The following TRDN variants were observed in gnomAD, a reference collection of about 807,000 sequenced individuals.
TRDN encodes the protein triadin in skeletal muscle.
TRDN carries 161 observed loss-of-function variants against 149.7 expected under a neutral mutation model. The ratio of observed to expected loss-of-function variants is 1.08; its 90% confidence interval spans 0.95 to 1.23. The LOEUF (loss-of-function observed/expected upper bound fraction) is 1.23, where lower values mean the gene tolerates loss of function less well. Among genes scored for constraint, TRDN ranks in the 50% most tolerant of loss-of-function variants. The pLI, the probability that TRDN is intolerant of heterozygous loss-of-function variation, is 0.00. For missense variants in TRDN, 896 were observed against 823.5 expected, an observed-to-expected ratio of 1.09 and a Z score of -1.08; for synonymous variants, 294 against 250.5, an observed-to-expected ratio of 1.17 and a Z score of -1.64.
chr6:123,311,420 C>T (rs1214033070), intron 24 of TRDN, among the ~76,000 whole-genome samples: 2 of 151,920 alleles, frequency 1.3e-5, no homozygotes, highest in Non-Finnish European at 2.9e-5. Context: ...ATTTCAGAAA[C>T]ATTTTTATGG....
At chr6:123,561,461 C>T (rs772972301) in intron 2 of TRDN, among the ~76,000 whole-genome samples, 2 of 152,070 alleles carry the variant, frequency 1.3e-5, no homozygotes, top group South Asian at 2.1e-4. Context: ...TGCATGGACA[C>T]TCCTTTTTAT....
At chr6:123,616,384 C>A (rs1404072200) in intron 1 of TRDN, among the ~76,000 whole-genome samples, 7 of 145,494 alleles carry the variant, frequency 4.8e-5, no homozygotes, top group African/African-American at 1.9e-4. Context: ...ATTTATAAAG[C>A]AGGTTTGCAA....
chr6:123,373,528 T>G (rs995248897), intron 19 of TRDN, among the ~76,000 whole-genome samples: 54 of 152,138 alleles, frequency 3.5e-4, no homozygotes, highest in African/African-American at 1.3e-3. Context: ...TCCTCCAGTA[T>G]TTTTCCTACA....
At chr6:123,481,056 C>G (rs1351588360) in intron 9 of TRDN, among the ~76,000 whole-genome samples, 1 of 152,064 alleles carries the variant, frequency 6.6e-6, no homozygotes, top group African/African-American at 2.4e-5. Context: ...ATTAAGAATA[C>G]AATTTACACT....
chr6:123,398,161 C>T (rs887426214), intron 12 of TRDN, among the ~76,000 whole-genome samples: 8 of 152,194 alleles, frequency 5.3e-5, no homozygotes, highest in South Asian at 2.1e-4. Context: ...TCCGCCACTG[C>T]GCCCAGCTAA....
chr6:123,403,680 G>C (rs1456414594), intron 12 of TRDN, among the ~76,000 whole-genome samples: 1 of 152,128 alleles, frequency 6.6e-6, no homozygotes, highest in East Asian at 1.9e-4. Flanking sequence ...ATACACAGCT[G>C]TTTCCTAGAA....
At chr6:123,551,960 T>G (rs1246459856) in intron 2 of TRDN, among the ~76,000 whole-genome samples, 1 of 152,184 alleles carries the variant, frequency 6.6e-6, no homozygotes, top group South Asian at 2.1e-4. Context: ...TTGCAGCTGC[T>G]TCAGTCATCT....
chr6:123,549,861 G>A (rs899962752), intron 2 of TRDN, among the ~76,000 whole-genome samples: 4 of 152,028 alleles, frequency 2.6e-5, no homozygotes, highest in Admixed American at 2.6e-4. Flanking sequence ...GCTGTGATGT[G>A]AGAGAAAGAC....
chr6:123,529,817 C>T (rs761274107), intron 5 of TRDN, among the ~76,000 whole-genome samples: 7 of 152,042 alleles, frequency 4.6e-5, no homozygotes, highest in African/African-American at 7.2e-5. Context: ...AACCTGGGCA[C>T]GCTTAGAAGA....
chr6:123,227,741 GTTTGTTTGTT>G (rs1775437074), intron 38 of TRDN, among the ~76,000 whole-genome samples: 1 of 130,880 alleles, frequency 7.6e-6, no homozygotes, highest in Non-Finnish European at 1.7e-5. Context: ...TTGTTTGTTT[GTTTGTTTGTT>G]TTTGTTTGTT....
At chr6:123,610,232 A>C (rs1341359024) in intron 1 of TRDN, among the ~76,000 whole-genome samples, 1 of 152,240 alleles carries the variant, frequency 6.6e-6, no homozygotes, top group East Asian at 1.9e-4. Context: ...AATAGAGATA[A>C]AAATGAATAT....
At chr6:123,352,446 T>A in intron 21 of TRDN, 93 bp downstream of exon 21, 3 of 1,548,030 alleles carry the variant, frequency 1.9e-6, no homozygotes, top group Non-Finnish European at 2.6e-6. Context: ...ACTTAAAGGT[T>A]ATTGTCTTCC....
At chr6:123,611,345 A>G (rs1281888492) in intron 1 of TRDN, among the ~76,000 whole-genome samples, 1 of 152,186 alleles carries the variant, frequency 6.6e-6, no homozygotes, top group Non-Finnish European at 1.5e-5. Flanking sequence ...AAAAAAGAAC[A>G]ATGTAACAGT....
intron 20 of TRDN, among the ~76,000 whole-genome samples, chr6:123,359,664 A>C (rs1393679670): frequency 6.6e-6 from 1 of 152,094 alleles, no homozygotes; most frequent in Non-Finnish European, 1.5e-5. Flanking sequence ...CTTTAGGTTA[A>C]GAAAGATTGA....
At chr6:123,462,354 A>G (rs1290528559) in intron 10 of TRDN, 1 of 152,218 alleles carries the variant, frequency 6.6e-6, no homozygotes, top group Non-Finnish European at 1.5e-5. Context: ...ACTTCCCAGA[A>G]CAAAGTAAGT....
intron 1 of TRDN, among the ~76,000 whole-genome samples, chr6:123,603,598 T>C (rs1784380146): frequency 6.6e-6 from 1 of 152,166 alleles, no homozygotes; most frequent in African/African-American, 2.4e-5. Context: ...GCACTTACTA[T>C]GTTCCAGACA....
intron 23 of TRDN, among the ~76,000 whole-genome samples, chr6:123,325,419 C>A (rs180884137): frequency 6.6e-6 from 1 of 152,026 alleles, no homozygotes; most frequent in Admixed American, 6.6e-5. Flanking sequence ...ATATTCTAGA[C>A]CCAGTATTAG....
chr6:123,374,536 A>T (rs7741540), intron 19 of TRDN, among the ~76,000 whole-genome samples: 2 of 152,086 alleles, frequency 1.3e-5, no homozygotes, highest in African/African-American at 4.8e-5. Context: ...TCTCTTGTAA[A>T]GTTCTCAATG....
At chr6:123,575,406 A>G (rs1256818037) in intron 1 of TRDN, among the ~76,000 whole-genome samples, 1 of 151,822 alleles carries the variant, frequency 6.6e-6, no homozygotes, top group East Asian at 1.9e-4. Context: ...AGAACAGAGT[A>G]TGTGATCTGA....
Sources: allele counts gnomAD v4.1 joint callset (sites outside exome capture counted in the v4.1 genomes callset), GRCh38; gene constraint gnomAD v4.1.1; transcripts MANE v1.5; gene names NCBI Gene and HGNC (gene_info 2026-07-23, HGNC 2026-07-21).